MAPK8IP3: variants seen among roughly 807,000 people sequenced by gnomAD.
The protein encoded by MAPK8IP3 is mitogen-activated protein kinase 8 interacting protein 3, also known as C-Jun-amino-terminal kinase-interacting protein 3.
In MAPK8IP3, 49 loss-of-function variants were observed where a neutral mutation model predicts 157.8. The ratio of observed to expected loss-of-function variants is 0.31; its 90% CI spans 0.25 to 0.39. The LOEUF is 0.39. MAPK8IP3 is among the 10% of genes least tolerant of loss of function. MAPK8IP3 has a pLI of 1.00. For missense variants in MAPK8IP3, 1,478 were observed against 1,889.4 expected, an observed-to-expected ratio of 0.78 and a Z score of 4.04; for synonymous variants, 897 against 777.7, an observed-to-expected ratio of 1.15 and a Z score of -2.55.
In MAPK8IP3 at chr16:1,743,828, G is replaced by C; in HGVS notation, c.747+352G>C. On this transcript the variant is annotated intron_variant, in intron 5 of 31. Coordinates refer to ENST00000610761, the MANE Select transcript of MAPK8IP3 (RefSeq NM_001318852.2). The surrounding 1 kb of genome is among the most constrained non-coding windows in gnomAD (Gnocchi z 5.6). The stretch of plus-strand genomic sequence containing the variant: ...ACCACACCCCCACATAAAGCCTCAT[G>C]CTCACCCGGGCTCCAGCCAGACACA... The C allele has an allele frequency of 8.8e-7, 1 of 1,142,250 alleles. No homozygotes were observed. The highest frequency in any genetic ancestry group is 2.4e-5 in the South Asian group (1 of 41,712). 70.8% of individuals were successfully genotyped at this position (1,142,250 alleles called of 1,614,324 possible). A position where few individuals can be genotyped will look rare whatever the true frequency, so the allele number is the denominator to read the frequency against.
Position 1,732,452 on chromosome 16 carries a change from T to G in MAPK8IP3, c.602+2874T>G, listed in dbSNP as rs139676638. On this transcript the variant is annotated intron_variant, in intron 4 of 31. Transcript: ENST00000610761. ...TGATACAGAAGAAGCTGTCAGACTCTGCTTCCGAGTCTCTGGACGTGAGAG... is the reference window on the plus strand; with the variant it reads ...TGATACAGAAGAAGCTGTCAGACTCGGCTTCCGAGTCTCTGGACGTGAGAG... 8.0e-4 allele frequency among the ~76,000 whole-genome samples: 122 copies of G among 152,354 alleles called. 1 individual carries two copies. In the East Asian group the frequency reaches 0.023, roughly 29 times the overall value.
At chr16:1,749,658 T>C (rs1478326508) in intron 8 of MAPK8IP3, among the ~76,000 whole-genome samples, 3 of 152,202 alleles carry the variant, frequency 2.0e-5, no homozygotes, top group African/African-American at 7.2e-5. Flanking sequence ...AGGCGGGCAG[T>C]AGGACAGCGC....
At position 1,767,686 on chromosome 16, in the gene MAPK8IP3, C is replaced by T. The variant is rs561498623; in HGVS notation, c.3360C>T (p.His1120=). Residue 1120 remains histidine (H), a synonymous_variant, in exon 27 of 32, where the codon CAC becomes CAT. Transcript: ENST00000610761. ...TGAGGCTCTACCATGCACACACGCACCAGCATCTACAGGACGTGGACATTG... is the reference window on the plus strand; with the variant it reads ...TGAGGCTCTACCATGCACACACGCATCAGCATCTACAGGACGTGGACATTG... ...STLRLYHAHT[H]QHLQDVDIEP... The T allele has an allele frequency of 3.1e-6, 5 of 1,612,812 alleles. No homozygotes were observed. The African/African-American group carries it at 4.0e-5, about 13-fold the overall frequency.
chr16:1,726,569 C>T (rs541933104), intron 2 of MAPK8IP3, among the ~76,000 whole-genome samples: 7 of 152,192 alleles, frequency 4.6e-5, no homozygotes, highest in South Asian at 2.1e-4. Context: ...CCCAGCTACT[C>T]GGGAGGCTGA....
At chr16:1,747,354 A>C (rs2141862825) in intron 6 of MAPK8IP3, 79 bp downstream of exon 6, 1 of 1,549,812 alleles carries the variant, frequency 6.5e-7, no homozygotes, top group Middle Eastern at 1.7e-4. Flanking sequence ...AAACTAATGC[A>C]CCAGGCGGGC....
At chr16:1,748,919 G>A (rs368259506) in intron 8 of MAPK8IP3, 199 bp downstream of exon 8, 2 of 720,500 alleles carry the variant, frequency 2.8e-6, no homozygotes, top group East Asian at 2.7e-5. Context: ...CTGCCCCAAG[G>A]ATGCCAAAAT....
intron 17 of MAPK8IP3, 53 bp downstream of exon 17, chr16:1,763,836 G>A (rs1185594825): frequency 5.1e-6 from 5 of 983,926 alleles, no homozygotes; most frequent in African/African-American, 1.8e-5. Flanking sequence ...GCGGGGCGGG[G>A]GTAAGGGGCG....
At chr16:1,736,702 G>C (rs1320079868) in intron 4 of MAPK8IP3, among the ~76,000 whole-genome samples, 12 of 79,918 alleles carry the variant, frequency 1.5e-4, no homozygotes, top group Admixed American at 5.1e-4. Context: ...GACCGTGTGA[G>C]CGTCCGTGTG....
At chr16:1,735,439 ATCCGTGTGACCG>A (rs2039622432) in intron 4 of MAPK8IP3, among the ~76,000 whole-genome samples, 1 of 132,536 alleles carries the variant, frequency 7.5e-6, no homozygotes, top group Non-Finnish European at 1.6e-5. Flanking sequence ...CCGTGTGAGC[ATCCGTGTGACCG>A]TCCGTGTGAG....
intron 4 of MAPK8IP3, among the ~76,000 whole-genome samples, chr16:1,740,994 G>A (rs1329166304): frequency 6.6e-6 from 1 of 152,180 alleles, no homozygotes; most frequent in Non-Finnish European, 1.5e-5. Flanking sequence ...GGTCACAGAC[G>A]AAGGCACGGC....
intron 8 of MAPK8IP3, among the ~76,000 whole-genome samples, chr16:1,749,387 C>T (rs1198369686): frequency 6.6e-6 from 1 of 151,942 alleles, no homozygotes; most frequent in Admixed American, 6.6e-5. Context: ...CTGCTCTGTG[C>T]CCATTAGCCT....
intron 4 of MAPK8IP3, among the ~76,000 whole-genome samples, chr16:1,732,663 G>A (rs1375197623): frequency 2.0e-5 from 3 of 152,208 alleles, no homozygotes; most frequent in Admixed American, 6.5e-5. Context: ...CTACGCCAGG[G>A]CGTGTGGATG....
intron 1 of MAPK8IP3, among the ~76,000 whole-genome samples, chr16:1,719,722 T>C (rs2038394603): frequency 6.7e-6 from 1 of 149,220 alleles, no homozygotes; most frequent in South Asian, 2.1e-4. Context: ...GGCACGTGCC[T>C]GTGGGCCCAG....
intron 1 of MAPK8IP3, among the ~76,000 whole-genome samples, chr16:1,715,128 C>G (rs1160477826): frequency 2.0e-5 from 3 of 152,038 alleles, no homozygotes; most frequent in African/African-American, 7.2e-5. Flanking sequence ...AGTTCGTATT[C>G]AACCAGTTGG....
intron 6 of MAPK8IP3, 69 bp downstream of exon 6, chr16:1,747,344 A>T: frequency 6.4e-7 from 1 of 1,568,464 alleles, no homozygotes; most frequent in Non-Finnish European, 8.7e-7. Flanking sequence ...GGTAGATGTG[A>T]AACTAATGCA....
intron 1 of MAPK8IP3, among the ~76,000 whole-genome samples, chr16:1,714,625 C>G (rs1157909669): frequency 6.6e-6 from 1 of 152,190 alleles, no homozygotes. Context: ...CCTAACCTTT[C>G]CTCAGCCAGC....
chr16:1,708,808 A>G (rs970343057), intron 1 of MAPK8IP3, among the ~76,000 whole-genome samples: 1 of 152,166 alleles, frequency 6.6e-6, no homozygotes, highest in Non-Finnish European at 1.5e-5. Context: ...GCCCTTGGAA[A>G]GACCTCAGGG....
rs2141957119 is a variant in MAPK8IP3, at chr16:1,767,818, G to A, written c.3423G>A (p.Leu1141=). The change falls in exon 28 of 32, where the codon CTG becomes CTA. Residue 1141 remains leucine, a synonymous_variant. Coordinates refer to ENST00000610761, the MANE Select transcript of MAPK8IP3 (RefSeq NM_001318852.2). ...YVSKMLGTGK[L]GFSFVRITAL... ...TCTCCCCCACAGGCACTGGCAAGCTGGGTTTCTCCTTCGTACGCATCACGG... is the reference window on the plus strand; with the variant it reads ...TCTCCCCCACAGGCACTGGCAAGCTAGGTTTCTCCTTCGTACGCATCACGG... 1 of 1,611,332 alleles carries A rather than the reference G, an allele frequency of 6.2e-7. No individual in the cohort carries two copies. The highest frequency in any genetic ancestry group is 2.2e-5 in the East Asian group (1 of 44,866).
Position 1,764,471 on chromosome 16 carries a change from C to G in MAPK8IP3, c.2280+12C>G, listed in dbSNP as rs764169058. 14 of 1,606,242 alleles carry G rather than the reference C, an allele frequency of 8.7e-6. No individual in the cohort carries two copies. In the South Asian group the frequency reaches 1.3e-4, roughly 15 times the overall value. On this transcript the variant is annotated intron_variant, in intron 19 of 31. Coordinates refer to ENST00000610761, the MANE Select transcript of MAPK8IP3 (RefSeq NM_001318852.2). ...CCGAGAAGAAGAAGGTGAGCATGGCCGAGGCCACCGGGCACCCTCCCTGGC... is the reference window on the plus strand; with the variant it reads ...CCGAGAAGAAGAAGGTGAGCATGGCGGAGGCCACCGGGCACCCTCCCTGGC...
Sources: gnomAD v4.1 joint callset for allele counts (sites outside exome capture counted in the v4.1 genomes callset) on GRCh38, gnomAD v4.1.1 for gene constraint, Gnocchi (gnomAD v3.1) non-coding constraint, MANE v1.5 for transcripts, NCBI Gene and HGNC (gene_info 2026-07-23, HGNC 2026-07-21) for gene names.